DIAPH2: variants seen among roughly 807,000 people sequenced by gnomAD.
DIAPH2 encodes the protein protein diaphanous homolog 2.
In DIAPH2, 35 loss-of-function variants were observed where a neutral mutation model predicts 92.7. The ratio of observed to expected loss-of-function variants is 0.38; its 90% confidence interval spans 0.29 to 0.50. DIAPH2 has a LOEUF of 0.50. Among genes scored for constraint, DIAPH2 ranks in the 20% least tolerant of loss-of-function variants. The probability of loss-of-function intolerance (pLI) is 0.94; values close to 1 mark genes in which losing one functional copy is unlikely to be tolerated. For missense variants in DIAPH2, 701 were observed against 819.5 expected (o/e 0.86, Z 1.77); for synonymous variants, 301 against 280.4 (o/e 1.07, Z -0.73).
chrX:97,333,156 A>C (rs745578112), intron 23 of DIAPH2, among the ~76,000 whole-genome samples: 119 of 111,889 alleles, frequency 1.1e-3, no homozygotes, highest in Non-Finnish European at 8.6e-4. Context: ...AAGAATGTTA[A>C]GGGAGCCTTG....
In DIAPH2 at chrX:97,323,982, C is replaced by T. The variant is rs189939602; in HGVS notation, c.2845-24134C>T. Reference sequence around the variant, plus strand: ...GGCTAAATCAAATAACTTGTTGAACCTAATTTTTAAATTTGGCTCTTATTT... The same window carrying T: ...GGCTAAATCAAATAACTTGTTGAACTTAATTTTTAAATTTGGCTCTTATTT... On this transcript the variant is annotated intron_variant, in intron 23 of 26. Coordinates refer to ENST00000324765, the MANE Select transcript of DIAPH2 (RefSeq NM_006729.5). Among the ~76,000 whole-genome samples the T allele has an allele frequency of 1.1e-4, 12 of 109,985 alleles. No individual in the cohort carries two copies. In the East Asian group the frequency reaches 3.4e-3, roughly 31 times the overall value.
At chrX:96,704,092 C>CT (rs1285322004) in intron 1 of DIAPH2, among the ~76,000 whole-genome samples, 3 of 111,396 alleles carry the variant, frequency 2.7e-5, no homozygotes, top group Non-Finnish European at 5.7e-5. Context: ...CCATGCCTGG[C>CT]TTTTTTTATG....
intron 26 of DIAPH2, among the ~76,000 whole-genome samples, chrX:97,500,178 G>A (rs2147828829): frequency 8.9e-6 from 1 of 111,832 alleles, no homozygotes; most frequent in South Asian, 3.8e-4. Context: ...GAATCTTTGG[G>A]TGTTTACTGC....
intron 3 of DIAPH2, among the ~76,000 whole-genome samples, chrX:96,753,596 G>A (rs1156819103): frequency 8.9e-6 from 1 of 111,739 alleles, no homozygotes; most frequent in Middle Eastern, 4.6e-3. Context: ...TTCTTAGTTC[G>A]ACTCTTATCT....
intron 26 of DIAPH2, chrX:97,469,964 G>C (rs2070548437): frequency 1.9e-6 from 1 of 513,447 alleles, no homozygotes; most frequent in Admixed American, 5.0e-5. Flanking sequence ...ATATAGACTT[G>C]GGAAGAAAAC....
At chrX:97,207,188 G>A (rs2067804158) in intron 22 of DIAPH2, among the ~76,000 whole-genome samples, 2 of 111,529 alleles carry the variant, frequency 1.8e-5, no homozygotes, top group South Asian at 3.8e-4. Context: ...TGCATGTTTT[G>A]TCTAATCGCT....
Position 96,685,283 on chromosome X carries a change from C to T in DIAPH2, c.132+93C>T, listed in dbSNP as rs752357556. ...ACACGGGGGCACCCGGGGCCCCCTCCCAAGGATGACCGCGACCTCGCTGTG... is the reference window on the plus strand; with the variant it reads ...ACACGGGGGCACCCGGGGCCCCCTCTCAAGGATGACCGCGACCTCGCTGTG... On this transcript the variant is annotated intron_variant, in intron 1 of 26. Transcript: ENST00000324765. 2.6e-5 allele frequency: 23 copies of T among 895,125 alleles called. No individual in the cohort carries two copies. The South Asian group carries it at 1.3e-3, about 52-fold the overall frequency. 73.8% of individuals were successfully genotyped at this position (895,125 alleles called of 1,213,427 possible).
chrX:97,194,684 T>C (rs1261206218), intron 22 of DIAPH2, among the ~76,000 whole-genome samples: 2 of 111,685 alleles, frequency 1.8e-5, no homozygotes, highest in Non-Finnish European at 3.8e-5. Context: ...AGAAAATAAA[T>C]AGTATTGTTA....
chrX:97,276,910 T>A (rs2068455997), intron 23 of DIAPH2, among the ~76,000 whole-genome samples: 2 of 112,645 alleles, frequency 1.8e-5, no homozygotes, highest in South Asian at 7.2e-4. Flanking sequence ...TTAGAAAAAC[T>A]GATTGAAATG....
intron 15 of DIAPH2, among the ~76,000 whole-genome samples, chrX:96,951,300 T>C (rs2065773202): frequency 8.9e-6 from 1 of 111,782 alleles, no homozygotes; most frequent in African/African-American, 3.3e-5. Flanking sequence ...CATTAAGACA[T>C]CTTTTGGAAA....
At chrX:97,416,331 A>G (rs2069946105) in intron 25 of DIAPH2, among the ~76,000 whole-genome samples, 1 of 112,161 alleles carries the variant, frequency 8.9e-6, no homozygotes, top group Non-Finnish European at 1.9e-5. Flanking sequence ...GTACCATGTC[A>G]TCCTCCACTA....
chrX:97,281,835 A>G (rs1397538754), intron 23 of DIAPH2, among the ~76,000 whole-genome samples: 2 of 111,643 alleles, frequency 1.8e-5, no homozygotes, highest in Non-Finnish European at 3.8e-5. Flanking sequence ...GTCTGGGGAA[A>G]AATTGTATAA....
chrX:97,007,197 T>C (rs945330333), intron 17 of DIAPH2, among the ~76,000 whole-genome samples: 1 of 111,990 alleles, frequency 8.9e-6, no homozygotes, highest in Non-Finnish European at 1.9e-5. Flanking sequence ...CTACTCAAGA[T>C]ATGAGTAGTT....
At chrX:97,461,488 G>C (rs1028405301) in intron 26 of DIAPH2, among the ~76,000 whole-genome samples, 2 of 111,383 alleles carry the variant, frequency 1.8e-5, no homozygotes, top group Non-Finnish European at 3.8e-5. Context: ...GCTTGAACAC[G>C]CTGTTACAGA....
chrX:97,290,942 G>T (rs1483137418), intron 23 of DIAPH2, among the ~76,000 whole-genome samples: 2 of 108,939 alleles, frequency 1.8e-5, no homozygotes, highest in Non-Finnish European at 3.8e-5. Flanking sequence ...AAATTAGCCA[G>T]GAGTGGTGGC....
intron 26 of DIAPH2, among the ~76,000 whole-genome samples, chrX:97,436,482 A>T (rs1234614032): frequency 8.9e-6 from 1 of 112,206 alleles, no homozygotes; most frequent in Non-Finnish European, 1.9e-5. Flanking sequence ...GCAAGATAAC[A>T]GTATAAATGA....
chrX:96,830,427 C>T (rs980573710), intron 4 of DIAPH2, among the ~76,000 whole-genome samples: 2 of 108,014 alleles, frequency 1.9e-5, no homozygotes, highest in African/African-American at 3.4e-5. Flanking sequence ...AAAAATTAGC[C>T]GGGCATGGTG....
intron 26 of DIAPH2, among the ~76,000 whole-genome samples, chrX:97,473,997 TA>T (rs1274823630): frequency 8.9e-6 from 1 of 112,329 alleles, no homozygotes; most frequent in African/African-American, 3.2e-5. Flanking sequence ...ACATGAAAAT[TA>T]TATGAAATTC....
At chrX:97,350,627 C>T (rs2069203624) in intron 24 of DIAPH2, among the ~76,000 whole-genome samples, 1 of 112,129 alleles carries the variant, frequency 8.9e-6, no homozygotes, top group African/African-American at 3.2e-5. Context: ...GGTACTGCCA[C>T]TAAAAAGCTG....
Sources: gnomAD v4.1 joint callset for allele counts (sites outside exome capture counted in the v4.1 genomes callset) on GRCh38, gnomAD v4.1.1 for gene constraint, MANE v1.5 for transcripts, NCBI Gene and HGNC (gene_info 2026-07-23, HGNC 2026-07-21) for gene names.